CCDC33: variants seen among roughly 807,000 people sequenced by gnomAD.
CCDC33 encodes the protein coiled-coil domain-containing protein 33.
In CCDC33, 94 loss-of-function variants were observed where a neutral mutation model predicts 91.9. The ratio of observed to expected loss-of-function variants is 1.02; its 90% CI spans 0.87 to 1.21. CCDC33 has a LOEUF of 1.21. Among genes scored for constraint, CCDC33 ranks in the 50% most tolerant of loss-of-function variants. The pLI, the probability that CCDC33 is intolerant of heterozygous loss-of-function variation, is 0.00. For synonymous variants in CCDC33, 396 were observed against 374.5 expected (o/e 1.06, Z -0.66); for missense variants, 940 against 935.5 (o/e 1.00, Z -0.06).
At chr15:74,322,747 G>C (rs1392729206) in intron 11 of CCDC33, among the ~76,000 whole-genome samples, 1 of 152,240 alleles carries the variant, frequency 6.6e-6, no homozygotes, top group Admixed American at 6.5e-5. Context: ...CTGAGTGTCT[G>C]TGGGAGGCGG....
chr15:74,207,975 G>T lies in CCDC33; in HGVS notation n.90-1413G>T, dbSNP rs2074300916. 34 of 1,426,708 alleles carry T rather than the reference G, an allele frequency of 2.4e-5. No individual in the cohort carries two copies. In the South Asian group the frequency reaches 5.1e-4, roughly 21 times the overall value. The allele number at this position is 1,426,708 out of a possible 1,614,324, so 88.4% of individuals were successfully genotyped here. On this transcript the variant is annotated intron_variant and non_coding_transcript_variant, in intron 1 of 3. Coordinates refer to the CCDC33 transcript ENST00000558645. The stretch of plus-strand genomic sequence containing the variant: ...CTCTACCTCCTACCTCCCCTGCCAT[G>T]TGGGAGGGTCAGAAGCACCATCTGA...
intron 10 of CCDC33, among the ~76,000 whole-genome samples, chr15:74,286,111 T>C (rs1420908037): frequency 6.6e-6 from 1 of 152,054 alleles, no homozygotes; most frequent in Non-Finnish European, 1.5e-5. Context: ...TTGGGTGTGG[T>C]GGTGGGTGCC....
intron 13 of CCDC33, 69 bp from the exon 14 acceptor site, chr15:74,330,912 G>T: frequency 6.5e-7 from 1 of 1,539,800 alleles, no homozygotes; most frequent in Non-Finnish European, 8.8e-7. Context: ...GGGCCGAGGT[G>T]GACCCTCAGG....
intron 5 of CCDC33, among the ~76,000 whole-genome samples, chr15:74,269,285 G>C (rs1471239773): frequency 6.6e-6 from 1 of 151,690 alleles, no homozygotes; most frequent in East Asian, 1.9e-4. Flanking sequence ...CCCAAACATG[G>C]CTGATCTGTT....
chr15:74,232,847 C>T (rs563648373), upstream of CCDC33, among the ~76,000 whole-genome samples: 3 of 152,286 alleles, frequency 2.0e-5, no homozygotes, highest in East Asian at 1.9e-4. Context: ...TGAGTTCTCC[C>T]CCACTGGAAT....
chr15:74,285,699 A>G (rs528537668), intron 10 of CCDC33, among the ~76,000 whole-genome samples: 2 of 151,830 alleles, frequency 1.3e-5, no homozygotes, highest in Non-Finnish European at 2.9e-5. Flanking sequence ...GGTTTGGAAT[A>G]TTGCACTTGA....
At chr15:74,217,334 C>G in exon 1 of CCDC33, 1 of 1,289,680 alleles carries the variant, frequency 7.8e-7, no homozygotes, top group Non-Finnish European at 1.0e-6. Context: ...GGCTGAAGGC[C>G]GAGGAGAAGA....
At chr15:74,222,567 CT>C (rs142719409) in intron 2 of CCDC33, among the ~76,000 whole-genome samples, 33 of 146,560 alleles carry the variant, frequency 2.3e-4, no homozygotes, top group Middle Eastern at 3.6e-3. Context: ...TTTAAAACAC[CT>C]TTTTTTCCCC....
At chr15:74,325,907 A>G (rs2060300851) in intron 11 of CCDC33, among the ~76,000 whole-genome samples, 1 of 152,186 alleles carries the variant, frequency 6.6e-6, no homozygotes, top group Non-Finnish European at 1.5e-5. Context: ...CACTCCCAGC[A>G]TAAAAACAAA....
chr15:74,319,045 T>A (rs1314197080), intron 11 of CCDC33, among the ~76,000 whole-genome samples: 2 of 152,126 alleles, frequency 1.3e-5, no homozygotes, highest in Admixed American at 1.3e-4. Flanking sequence ...GTAGTGCATG[T>A]GTGGTGCCGA....
At chr15:74,329,257 A>G (rs546418091) in intron 11 of CCDC33, among the ~76,000 whole-genome samples, 1 of 151,860 alleles carries the variant, frequency 6.6e-6, no homozygotes, top group African/African-American at 2.4e-5. Flanking sequence ...TGCTTTTATC[A>G]CTTCTCAGCG....
rs1395620182 is a variant in CCDC33 at position 74,316,874 on chromosome 15, T to C, written c.1291-13315T>C. On this transcript the variant is annotated intron_variant, in intron 11 of 18. Transcript: ENST00000398814. The surrounding 1 kb of genome is among the most constrained non-coding windows in gnomAD (Gnocchi z 4.7). ...GAGATGGGCACAGTGATGCACTCCATTTTACAGAGGAGAAAACAGGCTTAG... is the reference window on the plus strand; with the variant it reads ...GAGATGGGCACAGTGATGCACTCCACTTTACAGAGGAGAAAACAGGCTTAG... 6.6e-6 allele frequency among the ~76,000 whole-genome samples: 1 copy of C among 152,168 alleles called. No homozygotes were observed. Among genetic ancestry groups the C allele is most frequent in the African/African-American group, 2.4e-5 (1 of 41,446 alleles).
chr15:74,294,414 T>C (rs981502), intron 10 of CCDC33, among the ~76,000 whole-genome samples: 13,526 of 149,966 alleles, frequency 0.09, 662 homozygotes, highest in East Asian at 0.18. Flanking sequence ...GACATGTCCC[T>C]AAGCCCAAGG....
intron 2 of CCDC33, among the ~76,000 whole-genome samples, chr15:74,220,620 G>A (rs1054829606): frequency 2.0e-5 from 3 of 152,206 alleles, no homozygotes; most frequent in Non-Finnish European, 4.4e-5. Context: ...GGGGACTGGC[G>A]AGATGGCTGA....
chr15:74,238,855 G>C (rs1351421374), intron 1 of CCDC33, among the ~76,000 whole-genome samples: 1 of 152,170 alleles, frequency 6.6e-6, no homozygotes, highest in Admixed American at 6.5e-5. Context: ...CAAGAGTGTG[G>C]GGTCAGACAG....
intron 2 of CCDC33, among the ~76,000 whole-genome samples, chr15:74,228,877 C>A (rs1034485576): frequency 2.9e-4 from 44 of 152,200 alleles, no homozygotes; most frequent in African/African-American, 9.2e-4. Context: ...GGGCCAGAGG[C>A]TCTGCTCTCT....
chr15:74,280,218 TTCCTA>T, intron 8 of CCDC33, 126 bp downstream of exon 8: 1 of 1,175,132 alleles, frequency 8.5e-7, no homozygotes, highest in Non-Finnish European at 1.2e-6. Flanking sequence ...TCCAGGCGGC[TTCCTA>T]ATGCAGGCAG....
At chr15:74,270,397 G>A (rs952974634) in intron 5 of CCDC33, among the ~76,000 whole-genome samples, 12 of 152,296 alleles carry the variant, frequency 7.9e-5, no homozygotes, top group South Asian at 4.1e-4. Flanking sequence ...GAGTAAAAGA[G>A]TCTGGAGCAA....
Position 74,330,684 on chromosome 15 carries a change from T to TGAGTGAGCTCACTCA in CCDC33, c.1479_1480insAGTGAGCTCACTCAG (p.Leu493_Leu494insSerGluLeuThrGln). 1 of 1,613,588 alleles carries TGAGTGAGCTCACTCA rather than the reference T, an allele frequency of 6.2e-7. No individual in the cohort carries two copies. The highest frequency in any genetic ancestry group is 8.5e-7 in the Non-Finnish European group (1 of 1,179,972). Reference sequence around the variant, plus strand: ...ACAGTGTCCATGAAGCAGAAACTGCTGCTGAGTGAGCTGGATATGAAGAAA... The same window carrying TGAGTGAGCTCACTCA: ...ACAGTGTCCATGAAGCAGAAACTGCTGAGTGAGCTCACTCAGCTGAGTGAGCTGGATATGAAGAAA... On this transcript the variant is annotated inframe_insertion, in exon 13 of 19. Coordinates refer to ENST00000398814, the MANE Select transcript of CCDC33 (RefSeq NM_025055.5).
Sources: allele counts gnomAD v4.1 joint callset (sites outside exome capture counted in the v4.1 genomes callset), GRCh38; gene constraint gnomAD v4.1.1; non-coding constraint Gnocchi (gnomAD v3.1); transcripts MANE v1.5; gene names NCBI Gene and HGNC (gene_info 2026-07-23, HGNC 2026-07-21).